Variants in SOS2 observed in about 807,000 individuals in gnomAD.
SOS2 encodes SOS Ras/Rho guanine nucleotide exchange factor 2, also known as son of sevenless homolog 2.
In SOS2, 65 loss-of-function variants were observed where a neutral mutation model predicts 148.2. The ratio of observed to expected loss-of-function variants is 0.44; its 90% CI spans 0.36 to 0.54. SOS2 has a LOEUF of 0.54. Ranked by LOEUF, SOS2 falls within the 20% of genes least tolerant of loss-of-function variation. The probability of loss-of-function intolerance (pLI) is 0.00; values close to 1 mark genes in which losing one functional copy is unlikely to be tolerated. For missense variants in SOS2, 1,341 were observed against 1,590.2 expected (o/e 0.84, Z 2.67); for synonymous variants, 539 against 537.1 (o/e 1.00, Z -0.05).
chr14:50,166,218 G>C (rs1020072674), intron 8 of SOS2, among the ~76,000 whole-genome samples: 1 of 152,028 alleles, frequency 6.6e-6, no homozygotes, highest in Non-Finnish European at 1.5e-5. Context: ...TTTATTAATG[G>C]GTAATATCTT....
chr14:50,188,502 G>A lies in SOS2; in HGVS notation c.709C>T (p.Pro237Ser). 1 of 1,598,976 alleles carries A rather than the reference G, an allele frequency of 6.3e-7. No homozygotes were observed. Reference sequence around the variant, plus strand: ...AAACCCAAAAAGGTACTTACAGAAGGTTTAAACAGCTTTCTATCAGAAAGA... The same window carrying A: ...AAACCCAAAAAGGTACTTACAGAAGATTTAAACAGCTTTCTATCAGAAAGA... ...AFLSDRKLFK[P>S]SDIEKIFSNI... Residue 237 changes from proline (P) to serine (S), a missense_variant, in exon 5 of 23, where the codon CCT becomes TCT. Physicochemically the swap from Pro to Ser is moderately conservative, Grantham distance 74. This residue lies in a region of SOS2 where 574 missense variants were observed against 711.1 expected (regional missense o/e 0.81). Transcript: ENST00000216373.
intron 13 of SOS2, among the ~76,000 whole-genome samples, chr14:50,150,680 G>A (rs755720180): frequency 1.4e-4 from 21 of 151,354 alleles, no homozygotes; most frequent in Non-Finnish European, 2.5e-4. Flanking sequence ...TCCCACCTCA[G>A]CCTCCCAAGT....
At position 50,231,336 on chromosome 14, in the gene SOS2, G is replaced by A; in HGVS notation, c.-53C>T. The A allele has an allele frequency of 1.0e-6, 1 of 960,012 alleles. No homozygotes were observed. 59.5% of individuals were successfully genotyped at this position (960,012 alleles called of 1,614,324 possible). On this transcript the variant is annotated 5_prime_UTR_variant, in exon 1 of 23. Transcript: ENST00000216373. ...GGGGCAGCCCGCGGGCCGGGCCGGT[G>A]GCCTGACAGGCAGGGCGCGGGCCGC... is the stretch of plus-strand genomic sequence containing the variant.
chr14:50,123,325 C>G (rs1328116598), intron 21 of SOS2, among the ~76,000 whole-genome samples: 1 of 149,698 alleles, frequency 6.7e-6, no homozygotes, highest in Non-Finnish European at 1.5e-5. Context: ...AGGGCCTGTG[C>G]GTTCTTTAAA....
intron 16 of SOS2, 58 bp from the exon 17 acceptor site, chr14:50,140,117 T>C: frequency 2.3e-6 from 2 of 862,306 alleles, no homozygotes; most frequent in Admixed American, 2.4e-5. Context: ...ATTTTATAAA[T>C]GCAAACCTTT....
rs1883310130 is a variant in SOS2 at position 50,117,247 on chromosome 14, C to T, written c.*1097G>A. The stretch of plus-strand genomic sequence containing the variant: ...GTGGCTTTTGGCTACTTTACAACTG[C>T]TGCTACAGCACTATCAGCAAAACAC... On this transcript the variant is annotated 3_prime_UTR_variant, in exon 23 of 23. Coordinates refer to ENST00000216373, the MANE Select transcript of SOS2 (RefSeq NM_006939.4). The T allele has an allele frequency of 6.6e-6, 1 of 152,150 alleles. No homozygotes were observed. Among genetic ancestry groups the T allele is most frequent in the Non-Finnish European group, 1.5e-5 (1 of 68,034 alleles). 9.4% of individuals were successfully genotyped at this position (152,150 alleles called of 1,614,324 possible). A position where few individuals can be genotyped will look rare whatever the true frequency, so the allele number is the denominator to read the frequency against.
intron 1 of SOS2, among the ~76,000 whole-genome samples, chr14:50,219,725 A>T (rs1422180011): frequency 6.6e-6 from 1 of 152,244 alleles, no homozygotes; most frequent in Non-Finnish European, 1.5e-5. Context: ...GGTTTTAAAA[A>T]ATAATTCTAA....
At chr14:50,129,676 C>T (rs1883803906) in intron 21 of SOS2, among the ~76,000 whole-genome samples, 1 of 152,224 alleles carries the variant, frequency 6.6e-6, no homozygotes, top group South Asian at 2.1e-4. Flanking sequence ...TGAGCCACCA[C>T]ACCCGGCTAG....
rs726797 is a variant in SOS2 at position 50,145,696 on chromosome 14, C to T, written c.2385-100G>A. The T allele has an allele frequency of 0.87, 634,012 of 731,190 alleles. 275,546 individuals are homozygous for T. The highest frequency in any genetic ancestry group is 0.92 in the East Asian group (35,351 of 38,336). 45.3% of individuals were successfully genotyped at this position (731,190 alleles called of 1,614,324 possible). On this transcript the variant is annotated intron_variant, in intron 14 of 22. Transcript: ENST00000216373. ...AGAAAAAGACAATTAACCCAAAAGA[C>T]AGATGAACACATATATGAACAAGTA...
intron 7 of SOS2, among the ~76,000 whole-genome samples, chr14:50,178,748 T>A (rs1885626833): frequency 1.4e-5 from 2 of 141,210 alleles, no homozygotes; most frequent in Non-Finnish European, 3.1e-5. Flanking sequence ...ATATATATTT[T>A]TTGGAGACAG....
At chr14:50,123,358 G>A (rs1478148915) in intron 21 of SOS2, among the ~76,000 whole-genome samples, 1 of 149,450 alleles carries the variant, frequency 6.7e-6, no homozygotes, top group Non-Finnish European at 1.5e-5. Flanking sequence ...CACTGTGAGT[G>A]AGATGGAAAG....
intron 1 of SOS2, among the ~76,000 whole-genome samples, chr14:50,213,570 C>T (rs1886952876): frequency 6.6e-6 from 1 of 151,696 alleles, no homozygotes; most frequent in African/African-American, 2.4e-5. Context: ...CCTGGTGGTG[C>T]GTGCCTGTAA....
chr14:50,198,236 T>C (rs1886375407), intron 4 of SOS2, among the ~76,000 whole-genome samples: 1 of 152,096 alleles, frequency 6.6e-6, no homozygotes, highest in Non-Finnish European at 1.5e-5. Flanking sequence ...TGTAGCAGAA[T>C]GTTCTTGTTT....
chr14:50,186,472 A>G (rs1259597716), intron 5 of SOS2, among the ~76,000 whole-genome samples: 1 of 152,178 alleles, frequency 6.6e-6, no homozygotes, highest in Non-Finnish European at 1.5e-5. Context: ...TAAGCTCTAT[A>G]ACTAACTTGA....
rs1345455743 is a variant in SOS2, at chr14:50,159,768, A to G, written c.1515T>C (p.Thr505=). 1.2e-6 allele frequency: 2 copies of G among 1,613,964 alleles called. No individual in the cohort carries two copies. Among genetic ancestry groups the G allele is most frequent in the East Asian group, 2.2e-5 (1 of 44,866 alleles). The change falls in exon 10 of 23, where the codon ACT becomes ACC. Residue 505 remains threonine, a synonymous_variant. Coordinates refer to ENST00000216373, the MANE Select transcript of SOS2 (RefSeq NM_006939.4). ...RKIQICDKED[T]CEHKHAFELV... ...ATTCAAATGCATGCTTGTGCTCACA[A>G]GTATCTTCTTTATCACAAATTTGTA...
chr14:50,170,288 GATT>G (rs1266315277), intron 8 of SOS2, among the ~76,000 whole-genome samples: 1 of 151,624 alleles, frequency 6.6e-6, no homozygotes, highest in Non-Finnish European at 1.5e-5. Flanking sequence ...CATAATTTTA[GATT>G]ATTATCTTAA....
rs569843512 is a variant in SOS2, at chr14:50,140,123, C to A, written c.2668-64G>T. On this transcript the variant is annotated intron_variant, in intron 16 of 22. Transcript: ENST00000216373. ...TTCAATCATATTTTATAAATGCAAA[C>A]CTTTAAATTTTATAAAATTTTGCAA... is the stretch of plus-strand genomic sequence containing the variant. 73 of 828,236 alleles carry A rather than the reference C, an allele frequency of 8.8e-5. 1 individual carries two copies. The South Asian group carries it at 1.3e-3, about 14-fold the overall frequency. 51.3% of individuals were successfully genotyped at this position (828,236 alleles called of 1,614,324 possible). A position where few individuals can be genotyped will look rare whatever the true frequency, so the allele number is the denominator to read the frequency against.
intron 5 of SOS2, among the ~76,000 whole-genome samples, chr14:50,188,219 A>G (rs1885985603): frequency 6.6e-6 from 1 of 152,084 alleles, no homozygotes; most frequent in Non-Finnish European, 1.5e-5. Flanking sequence ...CCTGGCCAAT[A>G]TGAAGAAACC....
chr14:50,147,555 G>A (rs1337048877), intron 14 of SOS2, among the ~76,000 whole-genome samples: 4 of 146,904 alleles, frequency 2.7e-5, no homozygotes, highest in South Asian at 2.2e-4. Context: ...AATGCTATAC[G>A]TTGTTTATGA....
Sources: allele counts gnomAD v4.1 joint callset (sites outside exome capture counted in the v4.1 genomes callset), GRCh38; gene constraint gnomAD v4.1.1; regional missense constraint gnomAD v4.1.1; transcripts MANE v1.5; gene names NCBI Gene and HGNC (gene_info 2026-07-23, HGNC 2026-07-21).